Variants in CHCHD6 observed in about 807,000 individuals in gnomAD.
CHCHD6 encodes coiled-coil-helix-coiled-coil-helix domain containing 6.
In CHCHD6, 28 loss-of-function variants were observed where a neutral mutation model predicts 32.3. That is an observed-to-expected ratio of 0.87 (90% CI 0.64 to 1.19). CHCHD6 has a LOEUF of 1.19. CHCHD6 is among the 50% of genes most tolerant of loss of function. The pLI is 0.00. For synonymous variants in CHCHD6, 122 were observed against 117.5 expected (o/e 1.04, Z -0.25); for missense variants, 333 against 307.0 (o/e 1.08, Z -0.63).
chr3:126,738,667 G>A (rs1174584709), intron 4 of CHCHD6, among the ~76,000 whole-genome samples: 1 of 152,182 alleles, frequency 6.6e-6, no homozygotes, highest in African/African-American at 2.4e-5. Context: ...CCGCTGTGCA[G>A]TCGTCTGTTA....
intron 4 of CHCHD6, among the ~76,000 whole-genome samples, chr3:126,804,340 A>AGAAGAATC (rs1939244854): frequency 6.6e-6 from 1 of 152,126 alleles, no homozygotes; most frequent in Non-Finnish European, 1.5e-5. Context: ...AAAAAAAGAG[A>AGAAGAATC]GAAGAATCAA....
intron 4 of CHCHD6, among the ~76,000 whole-genome samples, chr3:126,840,445 T>C (rs565800854): frequency 2.2e-4 from 34 of 152,326 alleles, no homozygotes; most frequent in South Asian, 6.2e-4. Context: ...CTGACAGTTA[T>C]TAATACTATA....
At chr3:126,784,354 C>A (rs1052081978) in intron 4 of CHCHD6, among the ~76,000 whole-genome samples, 1 of 152,140 alleles carries the variant, frequency 6.6e-6, no homozygotes, top group Non-Finnish European at 1.5e-5. Context: ...GTTCTCAGCC[C>A]AGCAGCCTCT....
intron 6 of CHCHD6, among the ~76,000 whole-genome samples, chr3:126,924,301 G>A (rs1005336395): frequency 2.6e-5 from 4 of 152,132 alleles, no homozygotes; most frequent in African/African-American, 4.8e-5. Context: ...TGTTCCTGAC[G>A]GGAGATAATA....
intron 4 of CHCHD6, chr3:126,767,266 G>T: frequency 1.5e-6 from 2 of 1,362,500 alleles, no homozygotes; most frequent in South Asian, 2.3e-5. Flanking sequence ...TGTCTGTCAG[G>T]TTGCCAAGGC....
chr3:126,933,387 C>A (rs1167861436), intron 6 of CHCHD6, among the ~76,000 whole-genome samples: 3 of 152,116 alleles, frequency 2.0e-5, no homozygotes, highest in African/African-American at 7.2e-5. Flanking sequence ...CTTGTATTAT[C>A]CATTTGCATT....
At chr3:126,956,662 G>T (rs1051561100) in intron 6 of CHCHD6, among the ~76,000 whole-genome samples, 1 of 151,908 alleles carries the variant, frequency 6.6e-6, no homozygotes, top group South Asian at 2.1e-4. Flanking sequence ...CCAAAATTAC[G>T]CTCAGGAGGC....
chr3:126,824,583 T>TAAAAAAAAAAAAAAAAAAAAAAAAAAAAA (rs1940307472), intron 4 of CHCHD6, among the ~76,000 whole-genome samples: 1 of 32,040 alleles, frequency 3.1e-5, no homozygotes, highest in Non-Finnish European at 6.6e-5. Context: ...AAAAAAAAAG[T>TAAAAAAAAAAAAAAAAAAAAAAAAAAAAA]CAAATGTTGG....
chr3:126,893,237 C>T (rs1218684152), intron 5 of CHCHD6, among the ~76,000 whole-genome samples: 1 of 152,212 alleles, frequency 6.6e-6, no homozygotes, highest in East Asian at 1.9e-4. Context: ...GCTGGGATTA[C>T]AGGCATGAGC....
At chr3:126,931,227 T>C (rs1022317195) in intron 6 of CHCHD6, among the ~76,000 whole-genome samples, 6 of 152,174 alleles carry the variant, frequency 3.9e-5, no homozygotes, top group Admixed American at 3.9e-4. Flanking sequence ...AGAGTTGAGG[T>C]TCTTTGTGGA....
At chr3:126,804,698 A>T (rs970123079) in intron 4 of CHCHD6, among the ~76,000 whole-genome samples, 1 of 152,226 alleles carries the variant, frequency 6.6e-6, no homozygotes, top group Non-Finnish European at 1.5e-5. Context: ...AATTCATTTT[A>T]TGAGGCCAGC....
chr3:126,789,351 A>T (rs1295703147), intron 4 of CHCHD6, among the ~76,000 whole-genome samples: 2 of 152,062 alleles, frequency 1.3e-5, no homozygotes, highest in African/African-American at 2.4e-5. Context: ...CTTGGTGCAG[A>T]GCTGAGTTCA....
At position 126,948,835 on chromosome 3, in the gene CHCHD6, T is replaced by G. The variant is rs113064152; in HGVS notation, c.567-8581T>G. ...TCATTTGGTGTTAGAGTCTGTTTCC[T>G]TTTGGACAGTGGGTCATGGAGTTTG... is the stretch of plus-strand genomic sequence containing the variant. On this transcript the variant is annotated intron_variant, in intron 6 of 7. Coordinates refer to ENST00000290913, the MANE Select transcript of CHCHD6 (RefSeq NM_032343.3). Among the ~76,000 whole-genome samples the G allele has an allele frequency of 2.1e-3, 323 of 152,370 alleles. 1 individual carries two copies. Among genetic ancestry groups the G allele is most frequent in the African/African-American group, 7.5e-3 (311 of 41,596 alleles).
intron 6 of CHCHD6, among the ~76,000 whole-genome samples, chr3:126,915,920 A>G (rs1444802337): frequency 6.6e-6 from 1 of 152,130 alleles, no homozygotes; most frequent in Non-Finnish European, 1.5e-5. Context: ...ACTCCCGAGT[A>G]ACTGAGACCA....
intron 4 of CHCHD6, among the ~76,000 whole-genome samples, chr3:126,763,048 C>A (rs115718163): frequency 0.021 from 3,132 of 152,150 alleles, 44 homozygotes; most frequent in Non-Finnish European, 0.031. Context: ...GAAGGAAGGA[C>A]TTTTGCCATT....
At chr3:126,834,053 C>CAAAA (rs55790919) in intron 4 of CHCHD6, among the ~76,000 whole-genome samples, 1,647 of 44,278 alleles carry the variant, frequency 0.037, 103 homozygotes, top group African/African-American at 0.065. Context: ...GACTCCGTCT[C>CAAAA]AAAAAAAAAA....
At chr3:126,799,444 C>T (rs72978851) in intron 4 of CHCHD6, among the ~76,000 whole-genome samples, 121 of 152,260 alleles carry the variant, frequency 7.9e-4, no homozygotes, top group African/African-American at 2.8e-3. Context: ...TCTTAGTGGT[C>T]TAGTCATTTA....
At chr3:126,928,515 C>G (rs1168095132) in intron 6 of CHCHD6, among the ~76,000 whole-genome samples, 2 of 152,096 alleles carry the variant, frequency 1.3e-5, no homozygotes, top group African/African-American at 4.8e-5. Flanking sequence ...CTGTGGCACT[C>G]CATTCATGCC....
intron 4 of CHCHD6, among the ~76,000 whole-genome samples, chr3:126,836,272 T>C (rs1940857777): frequency 1.3e-5 from 2 of 152,202 alleles, no homozygotes; most frequent in African/African-American, 2.4e-5. Flanking sequence ...CTCTCGAATA[T>C]GTCATGTTTG....
Sources: gnomAD v4.1 joint callset for allele counts (sites outside exome capture counted in the v4.1 genomes callset) on GRCh38, gnomAD v4.1.1 for gene constraint, MANE v1.5 for transcripts, NCBI Gene and HGNC (gene_info 2026-07-23, HGNC 2026-07-21) for gene names.